Variants in ZBTB10 observed in about 807,000 individuals in gnomAD.
ZBTB10 encodes zinc finger and BTB domain containing 10.
Under a neutral mutation model 76.4 loss-of-function variants are expected in ZBTB10, and 32 were observed. That is an observed-to-expected ratio of 0.42 (90% CI 0.32 to 0.56). ZBTB10 has a LOEUF of 0.56. Among genes scored for constraint, ZBTB10 ranks in the 20% least tolerant of loss-of-function variants. ZBTB10 has a pLI of 0.14. For missense variants in ZBTB10, 1,057 were observed against 1,098.5 expected, an observed-to-expected ratio of 0.96 and a Z score of 0.53; for synonymous variants, 523 against 432.9, an observed-to-expected ratio of 1.21 and a Z score of -2.58.
chr8:80,504,925 C>T (rs1221304359), intron 2 of ZBTB10, among the ~76,000 whole-genome samples: 1 of 152,170 alleles, frequency 6.6e-6, no homozygotes, highest in Non-Finnish European at 1.5e-5. Context: ...TCCCGTTTAA[C>T]TAGAACAAGT....
chr8:80,492,389 C>T (rs1448855932), intron 1 of ZBTB10, among the ~76,000 whole-genome samples: 1 of 152,098 alleles, frequency 6.6e-6, no homozygotes, highest in Non-Finnish European at 1.5e-5. Context: ...TCTCTCTGCC[C>T]TCAAGGAACT....
chr8:80,523,266 T>TG lies in ZBTB10; in HGVS notation c.*3739dup, dbSNP rs1202274436. Reference sequence around the variant, plus strand: ...TATTGCTGCCTCATTAAACAACTCTTGTAGAATTTCAGCTCTTAATGGAGT... The same window carrying TG: ...TATTGCTGCCTCATTAAACAACTCTTGGTAGAATTTCAGCTCTTAATGGAGT... On this transcript the variant is annotated 3_prime_UTR_variant, in exon 6 of 6. Coordinates refer to ENST00000455036, the MANE Select transcript of ZBTB10 (RefSeq NM_001105539.3). 1 of 150,718 alleles carries TG rather than the reference T, an allele frequency of 6.6e-6. No individual in the cohort carries two copies. The highest frequency in any genetic ancestry group is 1.5e-5 in the Non-Finnish European group (1 of 67,790). 9.3% of individuals were successfully genotyped at this position (150,718 alleles called of 1,614,324 possible). A position where few individuals can be genotyped will look rare whatever the true frequency, so the allele number is the denominator to read the frequency against.
At chr8:80,505,899 C>T (rs917886212) in intron 2 of ZBTB10, among the ~76,000 whole-genome samples, 1 of 149,340 alleles carries the variant, frequency 6.7e-6, no homozygotes, top group Non-Finnish European at 1.5e-5. Flanking sequence ...TGGGCGTGCA[C>T]CACTATGCCT....
chr8:80,490,070 T>C (rs563550652), intron 1 of ZBTB10, among the ~76,000 whole-genome samples: 4 of 152,174 alleles, frequency 2.6e-5, no homozygotes, highest in Non-Finnish European at 5.9e-5. Flanking sequence ...CAGTCTCCAA[T>C]TACCTATAGG....
In ZBTB10 at chr8:80,521,880, ATGTTG is replaced by A. The variant is rs1816456280; in HGVS notation, c.*2360_*2364del. The A allele has an allele frequency of 6.6e-6, 1 of 151,860 alleles. No homozygotes were observed. The highest frequency in any genetic ancestry group is 2.4e-5 in the African/African-American group (1 of 41,434). The allele number at this position is 151,860 out of a possible 1,614,324, so 9.4% of individuals were successfully genotyped here. Reference sequence around the variant, plus strand: ...ATATTCTATAATTGTCCATTACTTTATGTTGTGTTGTGACAGATTTGGCTATATTT... The same window carrying A: ...ATATTCTATAATTGTCCATTACTTTATGTTGTGACAGATTTGGCTATATTT... On this transcript the variant is annotated 3_prime_UTR_variant, in exon 6 of 6. Coordinates refer to ENST00000455036, the MANE Select transcript of ZBTB10 (RefSeq NM_001105539.3).
At chr8:80,498,694 T>G (rs1032639949) in intron 1 of ZBTB10, among the ~76,000 whole-genome samples, 11 of 152,244 alleles carry the variant, frequency 7.2e-5, no homozygotes, top group African/African-American at 2.4e-4. Context: ...ACAGACAGCA[T>G]TCTGAATTCT....
At chr8:80,502,950 C>G (rs924165363) in intron 2 of ZBTB10, among the ~76,000 whole-genome samples, 1 of 152,034 alleles carries the variant, frequency 6.6e-6, no homozygotes, top group Admixed American at 6.6e-5. Flanking sequence ...CGTAAAGGGT[C>G]TCTCTTCTGT....
At chr8:80,503,483 G>A (rs1346314106) in intron 2 of ZBTB10, among the ~76,000 whole-genome samples, 1 of 151,748 alleles carries the variant, frequency 6.6e-6, no homozygotes, top group Non-Finnish European at 1.5e-5. Flanking sequence ...TCTGTCGTTG[G>A]GAATAGTGTA....
intron 2 of ZBTB10, among the ~76,000 whole-genome samples, chr8:80,511,914 A>G (rs537146424): frequency 3.7e-4 from 56 of 152,260 alleles, no homozygotes; most frequent in Non-Finnish European, 3.5e-4. Flanking sequence ...ATGGCAAACG[A>G]TATTTTTAAA....
intron 2 of ZBTB10, among the ~76,000 whole-genome samples, chr8:80,510,712 AG>A (rs1816171099): frequency 6.6e-6 from 1 of 151,862 alleles, no homozygotes; most frequent in South Asian, 2.1e-4. Context: ...AAGAGGGGAA[AG>A]GAAACTAATG....
intron 1 of ZBTB10, among the ~76,000 whole-genome samples, chr8:80,496,233 A>T (rs535488188): frequency 1.3e-5 from 2 of 152,118 alleles, no homozygotes; most frequent in Non-Finnish European, 2.9e-5. Flanking sequence ...AGCAAATGAT[A>T]TTGGCAGTTT....
chr8:80,508,133 CTT>C (rs1308276184), intron 2 of ZBTB10, among the ~76,000 whole-genome samples: 1 of 152,132 alleles, frequency 6.6e-6, no homozygotes, highest in Non-Finnish European at 1.5e-5. Flanking sequence ...GTTAGAAACT[CTT>C]TAAGTGGTCA....
chr8:80,502,695 G>T (rs1234267826), intron 2 of ZBTB10, among the ~76,000 whole-genome samples: 1 of 150,918 alleles, frequency 6.6e-6, no homozygotes, highest in East Asian at 1.9e-4. Flanking sequence ...ATATGATATA[G>T]AACCAAGGAC....
At position 80,500,124 on chromosome 8, in the gene ZBTB10, G is replaced by T; in HGVS notation, c.1603G>T (p.Asp535Tyr). 1 of 1,613,886 alleles carries T rather than the reference G, an allele frequency of 6.2e-7. No individual in the cohort carries two copies. The highest frequency in any genetic ancestry group is 1.1e-5 in the South Asian group (1 of 91,060). ...EGQIENYQMN[D>Y]SSWVQDGSPE... ...CCAAATAGAAAACTACCAAATGAAT[G>T]ACAGTAGTTGGGTCCAGGATGGATC... Residue 535 changes from aspartate to tyrosine, a missense_variant, in exon 2 of 6, where the codon GAC becomes TAC. By Grantham distance (160) the Asp-to-Tyr change is radical (BLOSUM62 -3). Transcript: ENST00000455036.
chr8:80,525,894 A>G lies in ZBTB10; in HGVS notation c.*6366A>G, dbSNP rs893095754. ...GCTATCAAGCCAGTTTCGTTTAGTT[A>G]TTTTGTGTTGCCAAGCATATGATAC... On this transcript the variant is annotated 3_prime_UTR_variant, in exon 6 of 6. Coordinates refer to ENST00000455036, the MANE Select transcript of ZBTB10 (RefSeq NM_001105539.3). 3 of 152,120 alleles carry G rather than the reference A, an allele frequency of 2.0e-5. No homozygotes were observed. The South Asian group carries it at 6.2e-4, about 32-fold the overall frequency. 9.4% of individuals were successfully genotyped at this position (152,120 alleles called of 1,614,324 possible). A position where few individuals can be genotyped will look rare whatever the true frequency, so the allele number is the denominator to read the frequency against.
At position 80,521,761 on chromosome 8, in the gene ZBTB10, TACAC is replaced by T. The variant is rs1053380868; in HGVS notation, c.*2236_*2239del. On this transcript the variant is annotated 3_prime_UTR_variant, in exon 6 of 6. Coordinates refer to ENST00000455036, the MANE Select transcript of ZBTB10 (RefSeq NM_001105539.3). ...TTAGATTGCATACAGTAAATTGAAA[TACAC>T]ACTTGGTACACTACGGGATTGTTGT... is the stretch of plus-strand genomic sequence containing the variant. The T allele has an allele frequency of 6.6e-6, 1 of 151,858 alleles. No homozygotes were observed. Among genetic ancestry groups the T allele is most frequent in the African/African-American group, 2.4e-5 (1 of 41,414 alleles). The allele number at this position is 151,858 out of a possible 1,614,324, so 9.4% of individuals were successfully genotyped here. A position where few individuals can be genotyped will look rare whatever the true frequency, so the allele number is the denominator to read the frequency against.
Position 80,519,389 on chromosome 8 carries a change from C to G in ZBTB10, c.2477C>G (p.Thr826Arg), listed in dbSNP as rs1217105336. 2 of 1,597,372 alleles carry G rather than the reference C, an allele frequency of 1.3e-6. No homozygotes were observed. Among genetic ancestry groups the G allele is most frequent in the African/African-American group, 2.8e-5 (2 of 70,500 alleles). The change falls in exon 6 of 6, where the codon ACA becomes AGA. Residue 826 changes from threonine (T) to arginine (R), a missense_variant. Physicochemically the swap from Thr to Arg is moderately conservative, Grantham distance 71. Around this residue, in one of 5 missense-constraint regions of ZBTB10, gnomAD observed 55 missense variants for 65.5 expected, o/e 0.84. Coordinates refer to ENST00000455036, the MANE Select transcript of ZBTB10 (RefSeq NM_001105539.3). The part of the protein sequence containing the change: ...GQEGVDQGQD[T>R]EFPRDEEYEE... Reference sequence around the variant, plus strand: ...GAAGGTGTAGATCAGGGACAGGATACAGAATTCCCTCGGGATGAAGAATAC... The same window carrying G: ...GAAGGTGTAGATCAGGGACAGGATAGAGAATTCCCTCGGGATGAAGAATAC...
chr8:80,498,234 C>T (rs1285282284), intron 1 of ZBTB10, among the ~76,000 whole-genome samples: 1 of 152,198 alleles, frequency 6.6e-6, no homozygotes, highest in Non-Finnish European at 1.5e-5. Flanking sequence ...ACCACTAACT[C>T]TCTTCTAAGC....
In ZBTB10 at chr8:80,487,072, G is replaced by A. The variant is rs1815487871; in HGVS notation, c.262G>A (p.Ala88Thr). The stretch of plus-strand genomic sequence containing the variant: ...CTCCGCCGGGCCGGCCGCCGGCGCC[G>A]CCGAGGAAGCCAAGGAGTTGCTGCT... ...EASAGPAAGA[A>T]EEAKELLLPQ... is the part of the protein sequence containing the mutation. The change falls in exon 1 of 6, where the codon GCC becomes ACC. Residue 88 changes from alanine (A) to threonine (T), a missense_variant. By Grantham distance (58) the Ala-to-Thr change is moderately conservative. Around this residue, in one of 5 missense-constraint regions of ZBTB10, gnomAD observed 556 missense variants for 451.7 expected, o/e 1.23. Transcript: ENST00000455036. The A allele has an allele frequency of 6.6e-7, 1 of 1,515,572 alleles. No individual in the cohort carries two copies. Among genetic ancestry groups the A allele is most frequent in the South Asian group, 1.2e-5 (1 of 81,964 alleles). The allele number at this position is 1,515,572 out of a possible 1,614,324, so 93.9% of individuals were successfully genotyped here. A position where few individuals can be genotyped will look rare whatever the true frequency, so the allele number is the denominator to read the frequency against.
Sources: gnomAD v4.1 joint callset for allele counts (sites outside exome capture counted in the v4.1 genomes callset) on GRCh38, gnomAD v4.1.1 for gene constraint, gnomAD v4.1.1 regional missense constraint, MANE v1.5 for transcripts, NCBI Gene and HGNC (gene_info 2026-07-23, HGNC 2026-07-21) for gene names.